The following TUT4 variants were observed in gnomAD, a reference collection of about 807,000 sequenced individuals.
TUT4 encodes the protein terminal uridylyl transferase 4, also known as terminal uridylyltransferase 4.
Under a neutral mutation model 192.2 loss-of-function variants are expected in TUT4, and 36 were observed. The observed-to-expected ratio is 0.19, with a 90% CI of 0.14 to 0.25. The LOEUF (loss-of-function observed/expected upper bound fraction) is 0.25, where lower values mean the gene tolerates loss of function less well. TUT4 is among the 10% of genes least tolerant of loss of function. The pLI, the probability that TUT4 is intolerant of heterozygous loss-of-function variation, is 1.00. For synonymous variants in TUT4, 618 were observed against 666.0 expected (o/e 0.93, Z 1.11); for missense variants, 1,493 against 1,957.2 (o/e 0.76, Z 4.47).
At chr1:52,512,370 G>A (rs904389226) in intron 3 of TUT4, among the ~76,000 whole-genome samples, 1 of 152,132 alleles carries the variant, frequency 6.6e-6, no homozygotes, top group Non-Finnish European at 1.5e-5. Context: ...CTATGAGCTA[G>A]GTGTTATAAT....
chr1:52,476,739 T>A (rs903412484), intron 12 of TUT4, among the ~76,000 whole-genome samples: 4 of 152,180 alleles, frequency 2.6e-5, no homozygotes, highest in Non-Finnish European at 5.9e-5. Context: ...GTACAAGATG[T>A]GTATAAATGT....
At chr1:52,544,800 T>TC in intron 1 of TUT4, among the ~76,000 whole-genome samples, 1 of 152,270 alleles carries the variant, frequency 6.6e-6, no homozygotes, top group Admixed American at 6.5e-5. Flanking sequence ...CTCACACCTA[T>TC]AATCCCAGCA....
In TUT4 at chr1:52,424,371, GATGCCCCAGTAGTATATGGGTGGTTT is replaced by G. The variant is rs1223752341; in HGVS notation, c.4871-395_4871-370del. The G allele has an allele frequency of 1.3e-5, 3 of 239,698 alleles. No homozygotes were observed. The Admixed American group carries it at 1.5e-4, about 12-fold the overall frequency. The allele number at this position is 239,698 out of a possible 1,614,324, so 14.8% of individuals were successfully genotyped here. A position where few individuals can be genotyped will look rare whatever the true frequency, so the allele number is the denominator to read the frequency against. ...AGGCTCTGCCACTCTACAATACAGGGATGCCCCAGTAGTATATGGGTGGTTTAAGAAGGCTTAAATATAACAAGCCT... is the reference window on the plus strand; with the variant it reads ...AGGCTCTGCCACTCTACAATACAGGGAAGAAGGCTTAAATATAACAAGCCT... On this transcript the variant is annotated intron_variant, in intron 29 of 29. Coordinates refer to ENST00000257177, the MANE Select transcript of TUT4 (RefSeq NM_001009881.3).
rs377294581 is a variant in TUT4, at chr1:52,495,482, G to A, written c.1211C>T (p.Thr404Ile). 5.0e-6 allele frequency: 8 copies of A among 1,610,682 alleles called. No individual in the cohort carries two copies. Among genetic ancestry groups the A allele is most frequent in the Non-Finnish European group, 6.8e-6 (8 of 1,178,172 alleles). The change falls in exon 6 of 30, where the codon ACT becomes ATT. Residue 404 changes from threonine (T) to isoleucine (I), a missense_variant. Thr to Ile is a moderately conservative substitution (Grantham distance 89). This residue lies in a region of TUT4 where 437 missense variants were observed against 577.6 expected (regional missense o/e 0.76). Transcript: ENST00000257177. ...CSLRLYGSSL[T>I]RFALKSSDVN... ...ATCACTACTTTTCAGAGCAAATCTA[G>A]TCAGAGATGAGCCATACAACCTAAG...
chr1:52,537,303 T>C (rs543002422), intron 1 of TUT4, among the ~76,000 whole-genome samples: 4 of 151,354 alleles, frequency 2.6e-5, no homozygotes, highest in Non-Finnish European at 4.4e-5. Flanking sequence ...AGATACTCCA[T>C]GCAAAGAGTA....
intron 2 of TUT4, among the ~76,000 whole-genome samples, chr1:52,520,002 G>C (rs544184963): frequency 6.6e-6 from 1 of 152,108 alleles, no homozygotes; most frequent in Non-Finnish European, 1.5e-5. Context: ...CTGGGCATCA[G>C]AGTGAGACCC....
At chr1:52,484,544 T>G (rs970051554) in intron 9 of TUT4, among the ~76,000 whole-genome samples, 1 of 152,196 alleles carries the variant, frequency 6.6e-6, no homozygotes, top group African/African-American at 2.4e-5. Context: ...TATTTACATA[T>G]ACATACTCCT....
intron 2 of TUT4, among the ~76,000 whole-genome samples, chr1:52,524,154 CTTCCAGTCCTG>C (rs1681064437): frequency 1.3e-5 from 2 of 152,208 alleles, no homozygotes; most frequent in South Asian, 4.1e-4. Context: ...CCAATCCCTG[CTTCCAGTCCTG>C]TTCCTATCAA....
intron 15 of TUT4, among the ~76,000 whole-genome samples, chr1:52,466,857 G>A (rs1343714641): frequency 6.6e-6 from 1 of 151,680 alleles, no homozygotes; most frequent in African/African-American, 2.4e-5. Context: ...TAGTAGAGAC[G>A]GGTTTTGCCA....
rs570047271 is a variant in TUT4 at position 52,486,762 on chromosome 1, T to C, written c.1515+2147A>G. ...ATGTTTCAGTGTCCATTGACTGGCA[T>C]ATTTAGAATCTACATGGATCAACTA... is the stretch of plus-strand genomic sequence containing the variant. On this transcript the variant is annotated intron_variant, in intron 9 of 29. Transcript: ENST00000257177. 3.9e-5 allele frequency among the ~76,000 whole-genome samples: 6 copies of C among 152,332 alleles called. No homozygotes were observed. In the South Asian group the frequency reaches 1.2e-3, roughly 32 times the overall value.
intron 14 of TUT4, among the ~76,000 whole-genome samples, chr1:52,469,180 T>C (rs1452436357): frequency 1.3e-5 from 2 of 152,140 alleles, no homozygotes; most frequent in Non-Finnish European, 2.9e-5. Flanking sequence ...CCTTAATGTA[T>C]GCAATTTTAA....
intron 4 of TUT4, among the ~76,000 whole-genome samples, chr1:52,509,120 T>C (rs1676413637): frequency 6.6e-6 from 1 of 152,184 alleles, no homozygotes; most frequent in Non-Finnish European, 1.5e-5. Context: ...TACTACTTCA[T>C]TCAAAAGTCA....
intron 3 of TUT4, among the ~76,000 whole-genome samples, chr1:52,512,782 T>G (rs544619523): frequency 9.8e-5 from 15 of 152,316 alleles, no homozygotes; most frequent in African/African-American, 3.6e-4. Flanking sequence ...TTTAGCCTTC[T>G]GATCTAATGG....
rs968829211 is a variant in TUT4 at position 52,534,786 on chromosome 1, C to T, written c.-93-8413G>A. On this transcript the variant is annotated intron_variant, in intron 1 of 29. Coordinates refer to ENST00000257177, the MANE Select transcript of TUT4 (RefSeq NM_001009881.3). ...GCTGAGGTGGAAGAATCACTTGAGC[C>T]CAGGAGGTCAAGGCTGCAGTGAGCC... is the stretch of plus-strand genomic sequence containing the variant. Among the ~76,000 whole-genome samples, 4 of 152,008 alleles carry T rather than the reference C, an allele frequency of 2.6e-5. No homozygotes were observed. The South Asian group carries it at 8.3e-4, about 32-fold the overall frequency.
chr1:52,489,756 CAAT>C (rs780624312), intron 8 of TUT4, among the ~76,000 whole-genome samples: 85 of 152,280 alleles, frequency 5.6e-4, no homozygotes, highest in Non-Finnish European at 9.4e-4. Context: ...GTTTCCCCCT[CAAT>C]GATGTGAATC....
chr1:52,483,741 T>C (rs748489168), intron 9 of TUT4, among the ~76,000 whole-genome samples: 33 of 151,908 alleles, frequency 2.2e-4, no homozygotes, highest in Admixed American at 5.2e-4. Context: ...ACCCAGGAGG[T>C]AGAGGTTGCA....
chr1:52,523,399 A>G (rs1680831448), intron 2 of TUT4, among the ~76,000 whole-genome samples: 1 of 152,168 alleles, frequency 6.6e-6, no homozygotes, highest in Non-Finnish European at 1.5e-5. Flanking sequence ...TGAGGCCAAG[A>G]GTTCAAGACC....
At chr1:52,449,501 T>C (rs569077149) in intron 20 of TUT4, among the ~76,000 whole-genome samples, 11 of 152,258 alleles carry the variant, frequency 7.2e-5, no homozygotes, top group African/African-American at 2.4e-4. Context: ...GGTTTTGCCA[T>C]ATTGGCCAGG....
intron 27 of TUT4, 107 bp from the exon 28 acceptor site, chr1:52,431,567 A>C (rs1158736214): frequency 1.2e-6 from 1 of 868,220 alleles, no homozygotes; most frequent in African/African-American, 1.7e-5. Flanking sequence ...GAACTCTATG[A>C]TGTATATCAT....
Sources: allele counts gnomAD v4.1 joint callset (sites outside exome capture counted in the v4.1 genomes callset), GRCh38; gene constraint gnomAD v4.1.1; regional missense constraint gnomAD v4.1.1; transcripts MANE v1.5; gene names NCBI Gene and HGNC (gene_info 2026-07-23, HGNC 2026-07-21).